The following LMBR1 variants were observed in gnomAD, a reference collection of about 807,000 sequenced individuals.
LMBR1 encodes the protein limb region 1 protein homolog.
A neutral mutation model predicts 73.9 loss-of-function variants in LMBR1; 52 were observed. The observed-to-expected ratio is 0.70, with a 90% CI of 0.56 to 0.89. The LOEUF (loss-of-function observed/expected upper bound fraction) is 0.89, where lower values mean the gene tolerates loss of function less well. Ranked by LOEUF, LMBR1 falls within the 40% of genes least tolerant of loss-of-function variation. The pLI, the probability that LMBR1 is intolerant of heterozygous loss-of-function variation, is 0.00. For synonymous variants in LMBR1, 215 were observed against 209.4 expected (o/e 1.03, Z -0.23); for missense variants, 539 against 579.8 (o/e 0.93, Z 0.72).
Position 156,782,391 on chromosome 7 carries a change from A to C in LMBR1, c.423+13998T>G, listed in dbSNP as rs186790586. ...ATTTTTAATTTTTTAACAAATCGTC[A>C]TATTGTTTTCCACACCAGCTCTTCC... On this transcript the variant is annotated intron_variant, in intron 5 of 16. Coordinates refer to ENST00000353442, the MANE Select transcript of LMBR1 (RefSeq NM_022458.4). 5.8e-3 allele frequency among the ~76,000 whole-genome samples: 884 copies of C among 152,276 alleles called. 10 individuals carry two copies. Among genetic ancestry groups the C allele is most frequent in the Non-Finnish European group, 7.4e-3 (500 of 68,012 alleles).
intron 9 of LMBR1, among the ~76,000 whole-genome samples, chr7:156,750,864 C>T (rs895572483): frequency 1.1e-4 from 17 of 152,184 alleles, no homozygotes; most frequent in African/African-American, 3.9e-4. Flanking sequence ...AATTTTAACA[C>T]TATGGGAGGC....
chr7:156,770,545 TAAAAA>T (rs1008239450), intron 5 of LMBR1, among the ~76,000 whole-genome samples: 8 of 151,588 alleles, frequency 5.3e-5, no homozygotes, highest in Non-Finnish European at 1.2e-4. Context: ...AAAGAAAAAA[TAAAAA>T]TAAAAATGAA....
At position 156,669,957 on chromosome 7, in the gene LMBR1, G is replaced by T. The variant is rs1372152510; in HGVS notation, n.867-670C>A. On this transcript the variant is annotated intron_variant and non_coding_transcript_variant, in intron 4 of 4. Transcript: ENST00000430825. The surrounding 1 kb of genome is among the most constrained non-coding windows in gnomAD (Gnocchi z 4.2). ...TCCCTGTTTAAAAGAAAGAAAACAT[G>T]GGAAAGTGCCATCCAAGTACTAAAA... is the stretch of plus-strand genomic sequence containing the variant. Among the ~76,000 whole-genome samples the T allele has an allele frequency of 6.6e-6, 1 of 152,174 alleles. No homozygotes were observed. Among genetic ancestry groups the T allele is most frequent in the African/African-American group, 2.4e-5 (1 of 41,432 alleles).
chr7:156,845,363 A>G (rs1159023171), intron 1 of LMBR1, among the ~76,000 whole-genome samples: 4 of 152,098 alleles, frequency 2.6e-5, no homozygotes, highest in African/African-American at 9.7e-5. Context: ...CACTAAAATA[A>G]TTAAAATTAA....
intron 4 of LMBR1, among the ~76,000 whole-genome samples, chr7:156,671,157 A>G (rs1802403780): frequency 6.6e-6 from 1 of 152,194 alleles, no homozygotes; most frequent in Non-Finnish European, 1.5e-5. Flanking sequence ...TGAATAGAAA[A>G]CTTTAATTGA....
intron 9 of LMBR1, among the ~76,000 whole-genome samples, chr7:156,746,435 T>G (rs200359930): frequency 6.6e-6 from 1 of 152,204 alleles, no homozygotes; most frequent in East Asian, 1.9e-4. Flanking sequence ...TTTGTGGGTA[T>G]GTTTACAGAG....
At chr7:156,850,963 GTTGT>G (rs1796155532) in intron 1 of LMBR1, among the ~76,000 whole-genome samples, 1 of 152,020 alleles carries the variant, frequency 6.6e-6, no homozygotes, top group Non-Finnish European at 1.5e-5. Flanking sequence ...ACAGGATCTG[GTTGT>G]TTAAGGACTT....
chr7:156,868,599 G>A (rs1404183188), intron 1 of LMBR1, among the ~76,000 whole-genome samples: 2 of 151,838 alleles, frequency 1.3e-5, no homozygotes, highest in African/African-American at 2.4e-5. Context: ...GGAGGCGGAG[G>A]TTGCAGTGAG....
intron 1 of LMBR1, among the ~76,000 whole-genome samples, chr7:156,846,785 G>A (rs1795534701): frequency 6.6e-6 from 1 of 152,136 alleles, no homozygotes; most frequent in Non-Finnish European, 1.5e-5. Flanking sequence ...GGTGGCTATA[G>A]CTAATAACAA....
intron 15 of LMBR1, among the ~76,000 whole-genome samples, chr7:156,697,294 A>AG (rs1808501175): frequency 6.6e-6 from 1 of 152,196 alleles, no homozygotes; most frequent in Non-Finnish European, 1.5e-5. Context: ...AACAGGACAA[A>AG]GGGAAAAAGA....
At position 156,734,277 on chromosome 7, in the gene LMBR1, T is replaced by C. The variant is rs770447628; in HGVS notation, c.758-20A>G. The C allele has an allele frequency of 1.9e-6, 3 of 1,558,576 alleles. No individual in the cohort carries two copies. In the South Asian group the frequency reaches 3.6e-5, roughly 19 times the overall value. On this transcript the variant is annotated intron_variant, in intron 9 of 16. Transcript: ENST00000353442. The stretch of plus-strand genomic sequence containing the variant: ...ACAGCCCTGTTCAAAGCAAAAAATA[T>C]TTAGAAGTAAAACAGAACCCCTAAC...
chr7:156,833,489 G>A (rs1837041014), intron 3 of LMBR1: 1 of 416,348 alleles, frequency 2.4e-6, no homozygotes, highest in South Asian at 2.8e-5. Context: ...TCTTTCTTAT[G>A]ACCAAGCAAT....
At chr7:156,805,080 TA>T (rs376237128) in intron 4 of LMBR1, among the ~76,000 whole-genome samples, 5,037 of 151,654 alleles carry the variant, frequency 0.033, 124 homozygotes, top group South Asian at 0.084. Flanking sequence ...ACCATTTGTT[TA>T]AAAAAAAATC....
At chr7:156,813,493 G>C (rs1833431101) in intron 4 of LMBR1, among the ~76,000 whole-genome samples, 1 of 152,044 alleles carries the variant, frequency 6.6e-6, no homozygotes, top group Admixed American at 6.5e-5. Context: ...AAAAGAGTAA[G>C]CCTCAACTCC....
chr7:156,786,031 C>T (rs1319127139), intron 5 of LMBR1, among the ~76,000 whole-genome samples: 1 of 151,932 alleles, frequency 6.6e-6, no homozygotes, highest in Non-Finnish European at 1.5e-5. Context: ...TGAGAAGTTC[C>T]TAAAAGACAG....
chr7:156,806,130 G>C (rs1832020967), intron 4 of LMBR1, among the ~76,000 whole-genome samples: 1 of 152,062 alleles, frequency 6.6e-6, no homozygotes, highest in Non-Finnish European at 1.5e-5. Context: ...CATGAACACA[G>C]TATCTGTCTC....
chr7:156,798,779 G>T (rs1048907786), intron 4 of LMBR1, among the ~76,000 whole-genome samples: 1 of 151,890 alleles, frequency 6.6e-6, no homozygotes, highest in African/African-American at 2.4e-5. Context: ...ATACATGACC[G>T]TTTCAAATCA....
At chr7:156,814,856 C>T (rs1833650789) in intron 4 of LMBR1, among the ~76,000 whole-genome samples, 1 of 152,118 alleles carries the variant, frequency 6.6e-6, no homozygotes, top group South Asian at 2.1e-4. Context: ...CCTGTCTCAA[C>T]ATCATAAAAA....
chr7:156,763,658 G>A lies in LMBR1; in HGVS notation c.550+11C>T, dbSNP rs766223938. The A allele has an allele frequency of 5.1e-6, 8 of 1,560,748 alleles. No homozygotes were observed. The African/African-American group carries it at 8.4e-5, about 16-fold the overall frequency. ...CAGTAAGGAAACTGGTTAAAACAAG[G>A]AAATCCATACCATATAAAGATTCCA... On this transcript the variant is annotated intron_variant, in intron 6 of 16. Coordinates refer to ENST00000353442, the MANE Select transcript of LMBR1 (RefSeq NM_022458.4).
Sources: allele counts gnomAD v4.1 joint callset (sites outside exome capture counted in the v4.1 genomes callset), GRCh38; gene constraint gnomAD v4.1.1; non-coding constraint Gnocchi (gnomAD v3.1); transcripts MANE v1.5; gene names NCBI Gene and HGNC (gene_info 2026-07-23, HGNC 2026-07-21).